ADAM10: variants seen among roughly 807,000 people sequenced by gnomAD.
The protein encoded by ADAM10 is ADAM metallopeptidase domain 10, also known as disintegrin and metalloproteinase domain-containing protein 10.
ADAM10 carries 17 observed loss-of-function variants against 90.1 expected under a neutral mutation model. That is an observed-to-expected ratio of 0.19 (90% CI 0.13 to 0.28). The LOEUF is 0.28. Ranked by LOEUF, ADAM10 falls within the 10% of genes least tolerant of loss-of-function variation. The pLI is 1.00. For synonymous variants in ADAM10, 310 were observed against 298.6 expected (o/e 1.04, Z -0.40); for missense variants, 610 against 914.3 (o/e 0.67, Z 4.29).
chr15:58,628,639 C>A (rs1896017712), intron 9 of ADAM10, among the ~76,000 whole-genome samples: 1 of 152,184 alleles, frequency 6.6e-6, no homozygotes. Context: ...ACTACCAGAT[C>A]CCAGCAGCCC....
chr15:58,631,057 C>CA (rs1896086973), intron 9 of ADAM10, among the ~76,000 whole-genome samples: 2 of 152,034 alleles, frequency 1.3e-5, no homozygotes, highest in African/African-American at 2.4e-5. Context: ...TCCTTGACCC[C>CA]ACGCTCCCAC....
chr15:58,617,320 G>T (rs1895645101), intron 11 of ADAM10, among the ~76,000 whole-genome samples: 1 of 151,980 alleles, frequency 6.6e-6, no homozygotes, highest in Middle Eastern at 3.4e-3. Context: ...CAATAAATGG[G>T]AAAACCGAAT....
chr15:58,742,393 T>A (rs1899644697), intron 1 of ADAM10, among the ~76,000 whole-genome samples: 1 of 152,206 alleles, frequency 6.6e-6, no homozygotes, highest in African/African-American at 2.4e-5. Context: ...TTTCTCACCA[T>A]CACAAAGTTG....
At chr15:58,644,541 CTT>C (rs777223769) in intron 6 of ADAM10, among the ~76,000 whole-genome samples, 1 of 152,090 alleles carries the variant, frequency 6.6e-6, no homozygotes, top group Non-Finnish European at 1.5e-5. Context: ...AACATATACT[CTT>C]GTTTCAGTCA....
chr15:58,718,114 T>C (rs28392811), intron 1 of ADAM10, among the ~76,000 whole-genome samples: 2,501 of 151,892 alleles, frequency 0.016, 72 homozygotes, highest in African/African-American at 0.056. Flanking sequence ...CTGGTCAACA[T>C]AGCAAGACTT....
chr15:58,701,809 AAAT>A (rs1302221612), intron 2 of ADAM10, among the ~76,000 whole-genome samples: 3 of 152,144 alleles, frequency 2.0e-5, no homozygotes, highest in Non-Finnish European at 4.4e-5. Flanking sequence ...TGACTATTAA[AAAT>A]AATAATAATA....
rs113794906 is a variant in ADAM10 at position 58,592,890 on chromosome 15, T to C, written c.*4657A>G. On this transcript the variant is annotated 3_prime_UTR_variant, in exon 16 of 16. Coordinates refer to ENST00000260408, the MANE Select transcript of ADAM10 (RefSeq NM_001110.4). ...CCACTTTTAGGAATTAATTTCATTA[T>C]TAGGCTGAGGATTTTCCTAAGAATT... 258 of 151,098 alleles carry C rather than the reference T, an allele frequency of 1.7e-3. No individual in the cohort carries two copies. The highest frequency in any genetic ancestry group is 5.3e-3 in the African/African-American group (219 of 41,404). The allele number at this position is 151,098 out of a possible 1,614,324, so 9.4% of individuals were successfully genotyped here.
intron 14 of ADAM10, among the ~76,000 whole-genome samples, chr15:58,603,393 C>A (rs1440924839): frequency 2.0e-5 from 3 of 152,168 alleles, no homozygotes; most frequent in Admixed American, 1.3e-4. Flanking sequence ...ACTCTGACAA[C>A]AACCGTACAT....
chr15:58,668,726 G>A (rs1165758841), intron 4 of ADAM10, among the ~76,000 whole-genome samples: 2 of 151,982 alleles, frequency 1.3e-5, no homozygotes, highest in Non-Finnish European at 2.9e-5. Flanking sequence ...AAATTCCCCT[G>A]AAGGTTTTTA....
At chr15:58,700,527 C>T (rs555438368) in intron 2 of ADAM10, among the ~76,000 whole-genome samples, 4 of 151,922 alleles carry the variant, frequency 2.6e-5, no homozygotes, top group African/African-American at 7.2e-5. Flanking sequence ...ACAAATGAAA[C>T]GAATGAAAAT....
chr15:58,646,603 C>A (rs947464336), intron 5 of ADAM10, among the ~76,000 whole-genome samples: 18 of 152,148 alleles, frequency 1.2e-4, no homozygotes, highest in African/African-American at 4.1e-4. Flanking sequence ...CCACTCTAGC[C>A]CAAGCTACCA....
intron 1 of ADAM10, among the ~76,000 whole-genome samples, chr15:58,719,432 A>C (rs960337534): frequency 6.6e-6 from 1 of 152,236 alleles, no homozygotes; most frequent in Non-Finnish European, 1.5e-5. Context: ...AGAAGAAAAA[A>C]AAAAGTGATT....
chr15:58,684,217 C>T (rs1897525672), intron 2 of ADAM10, among the ~76,000 whole-genome samples: 1 of 152,188 alleles, frequency 6.6e-6, no homozygotes, highest in Non-Finnish European at 1.5e-5. Flanking sequence ...ACTGAATCCA[C>T]AGATATAGAG....
At chr15:58,700,348 C>T (rs567985255) in intron 2 of ADAM10, among the ~76,000 whole-genome samples, 152 of 152,094 alleles carry the variant, frequency 1.0e-3, no homozygotes, top group Non-Finnish European at 1.9e-3. Context: ...GGAAACAAAA[C>T]GTTTCAACAA....
intron 11 of ADAM10, among the ~76,000 whole-genome samples, chr15:58,613,168 G>A (rs984952725): frequency 6.6e-6 from 1 of 152,152 alleles, no homozygotes; most frequent in African/African-American, 2.4e-5. Context: ...ACAGACCACT[G>A]AGGTGCCTAC....
At position 58,749,684 on chromosome 15, in the gene ADAM10, C is replaced by T. The variant is rs1899918880; in HGVS notation, c.-150G>A. 1.4e-6 allele frequency: 2 copies of T among 1,445,800 alleles called. No homozygotes were observed. Among genetic ancestry groups the T allele is most frequent in the Non-Finnish European group, 1.8e-6 (2 of 1,086,958 alleles). 89.6% of individuals were successfully genotyped at this position (1,445,800 alleles called of 1,614,324 possible). Reference sequence around the variant, plus strand: ...GAGAAACGGCGAAGCACCTCCCTCTCGCTCCACTTCAGGGGCCGGCAACGC... The same window carrying T: ...GAGAAACGGCGAAGCACCTCCCTCTTGCTCCACTTCAGGGGCCGGCAACGC... On this transcript the variant is annotated 5_prime_UTR_variant, in exon 1 of 16. Transcript: ENST00000260408.
intron 8 of ADAM10, among the ~76,000 whole-genome samples, chr15:58,637,881 C>T (rs748881371): frequency 2.6e-5 from 4 of 151,900 alleles, no homozygotes; most frequent in Non-Finnish European, 5.9e-5. Context: ...ACAATAATAC[C>T]TACACCTCAT....
intron 4 of ADAM10, among the ~76,000 whole-genome samples, chr15:58,677,026 T>C (rs1322751411): frequency 6.6e-6 from 1 of 152,184 alleles, no homozygotes; most frequent in Non-Finnish European, 1.5e-5. Context: ...AGCAACTATT[T>C]AGAATAAAAG....
At chr15:58,611,456 T>C (rs1172740317) in intron 12 of ADAM10, 1 of 327,570 alleles carries the variant, frequency 3.1e-6, no homozygotes, top group Non-Finnish European at 5.6e-6. Context: ...CAAAGTGATA[T>C]TCAGCCACAA....
Sources: allele counts gnomAD v4.1 joint callset (sites outside exome capture counted in the v4.1 genomes callset), GRCh38; gene constraint gnomAD v4.1.1; transcripts MANE v1.5; gene names NCBI Gene and HGNC (gene_info 2026-07-23, HGNC 2026-07-21).